Variants in CKMT2 observed in about 807,000 individuals in gnomAD.
The protein encoded by CKMT2 is creatine kinase, mitochondrial 2.
Under a neutral mutation model 48.9 loss-of-function variants are expected in CKMT2, and 43 were observed. The observed-to-expected ratio is 0.88, with a 90% CI of 0.69 to 1.13. CKMT2 has a LOEUF of 1.13. Ranked by LOEUF, CKMT2 falls within the 50% of genes most tolerant of loss-of-function variation. CKMT2 has a pLI of 0.00. For missense variants in CKMT2, 472 were observed against 555.4 expected, an observed-to-expected ratio of 0.85 and a Z score of 1.51; for synonymous variants, 206 against 213.0, an observed-to-expected ratio of 0.97 and a Z score of 0.29.
In CKMT2 at chr5:81,257,826, A is replaced by G. The variant is rs753831830; in HGVS notation, c.849A>G (p.Val283=). The G allele has an allele frequency of 2.5e-6, 4 of 1,613,818 alleles. No homozygotes were observed. The East Asian group carries it at 6.7e-5, about 27-fold the overall frequency. Residue 283 remains valine (V), a synonymous_variant, in exon 7 of 10, where the codon GTA becomes GTG. Coordinates refer to ENST00000254035, the MANE Select transcript of CKMT2 (RefSeq NM_001099735.2). ...AAAAAGGAGGCAATATGAAACGAGT[A>G]TTTGAGCGATTCTGTCGTGGACTAA... ...SMEKGGNMKR[V]FERFCRGLKE... is the part of the protein sequence containing the mutation.
intron 1 of CKMT2, among the ~76,000 whole-genome samples, chr5:81,240,969 C>A (rs1756414292): frequency 1.3e-5 from 2 of 152,130 alleles, no homozygotes; most frequent in African/African-American, 4.8e-5. Context: ...AGGTAAATGA[C>A]CTCTAAAGCC....
At chr5:81,260,758 A>C (rs1184582455) in intron 8 of CKMT2, among the ~76,000 whole-genome samples, 3 of 152,208 alleles carry the variant, frequency 2.0e-5, no homozygotes, top group Non-Finnish European at 4.4e-5. Flanking sequence ...AGGACCAGAC[A>C]GATGCACAGC....
At chr5:81,250,939 A>AC (rs1486069965) in intron 1 of CKMT2, 174 bp from the exon 2 acceptor site, 2 of 424,092 alleles carry the variant, frequency 4.7e-6, no homozygotes, top group Non-Finnish European at 8.1e-6. Context: ...AAGAAATAGA[A>AC]AACACACACA....
chr5:81,256,922 T>C lies in CKMT2; in HGVS notation c.677T>C (p.Phe226Ser). Reference sequence around the variant, plus strand: ...ATCCCTTTTGGCCTACAGGACCACTTTCTGTTTGATAAGCCAGTGTCCCCT... The same window carrying C: ...ATCCCTTTTGGCCTACAGGACCACTCTCTGTTTGATAAGCCAGTGTCCCCT... ...QDQQRLIDDH[F>S]LFDKPVSPLL... The change falls in exon 6 of 10, where the codon TTT becomes TCT. Residue 226 changes from phenylalanine (F) to serine (S), a missense_variant. By Grantham distance (155) the Phe-to-Ser change is radical (BLOSUM62 -2). Transcript: ENST00000254035. The C allele has an allele frequency of 6.2e-7, 1 of 1,613,442 alleles. No individual in the cohort carries two copies. Among genetic ancestry groups the C allele is most frequent in the Non-Finnish European group, 8.5e-7 (1 of 1,179,524 alleles).
At chr5:81,254,368 G>A (rs1272792945) in intron 3 of CKMT2, 28 bp from the exon 4 acceptor site, 6 of 1,592,072 alleles carry the variant, frequency 3.8e-6, no homozygotes, top group African/African-American at 2.7e-5. Context: ...ACCAGTTAAA[G>A]AGGAAACACC....
At chr5:81,239,978 G>C (rs1036246993) in intron 1 of CKMT2, among the ~76,000 whole-genome samples, 1 of 152,170 alleles carries the variant, frequency 6.6e-6, no homozygotes, top group Non-Finnish European at 1.5e-5. Context: ...CTGCCACATA[G>C]TAGGTAAATA....
chr5:81,242,122 C>T (rs557570874), intron 1 of CKMT2, among the ~76,000 whole-genome samples: 68 of 152,306 alleles, frequency 4.5e-4, no homozygotes, highest in Middle Eastern at 6.8e-3. Context: ...CATGGTCAAA[C>T]GGTCAGGAGC....
At position 81,266,184 on chromosome 5, in the gene CKMT2, G is replaced by A. The variant is rs756357291; in HGVS notation, c.1186G>A (p.Asp396Asn). The change falls in exon 10 of 10, where the codon GAT becomes AAT. Residue 396 changes from aspartate (D) to asparagine (N), a missense_variant. Physicochemically the swap from Asp to Asn is conservative, Grantham distance 23 (BLOSUM62 1). Transcript: ENST00000254035. ...CATCGATGGAGTCAATTACCTGGTG[G>A]ATTGTGAAAAGAAGTTGGAGAGAGG... ...IVIDGVNYLV[D>N]CEKKLERGQD... 5 of 1,612,870 alleles carry A rather than the reference G, an allele frequency of 3.1e-6. No individual in the cohort carries two copies. The highest frequency in any genetic ancestry group is 4.2e-6 in the Non-Finnish European group (5 of 1,179,050).
At chr5:81,246,463 A>T (rs1378236479) in intron 1 of CKMT2, among the ~76,000 whole-genome samples, 1 of 152,062 alleles carries the variant, frequency 6.6e-6, no homozygotes, top group East Asian at 1.9e-4. Context: ...TCTCTGAATA[A>T]TATCCTGCTT....
chr5:81,249,327 C>T (rs1756722183), intron 1 of CKMT2, among the ~76,000 whole-genome samples: 1 of 152,180 alleles, frequency 6.6e-6, no homozygotes, highest in South Asian at 2.1e-4. Context: ...AAGTGATCCG[C>T]CCACCTTTGC....
intron 1 of CKMT2, chr5:81,237,603 C>T (rs971225217): frequency 6.6e-6 from 1 of 152,140 alleles, no homozygotes; most frequent in Non-Finnish European, 1.5e-5. Flanking sequence ...AAAGATAACA[C>T]ATGCTTATTT....
At chr5:81,234,005 C>T (rs1756179250) in intron 1 of CKMT2, among the ~76,000 whole-genome samples, 1 of 142,892 alleles carries the variant, frequency 7.0e-6, no homozygotes, top group African/African-American at 2.7e-5. Context: ...CCTTACCTTT[C>T]CCACCGGAGG....
At position 81,257,751 on chromosome 5, in the gene CKMT2, A is replaced by G. The variant is rs770298858; in HGVS notation, c.774A>G (p.Thr258=). The change falls in exon 7 of 10, where the codon ACA becomes ACG. Residue 258 remains threonine (T), a synonymous_variant. Transcript: ENST00000254035. ...ARGIWHNYDK[T]FLIWINEEDH... ...TCATTAGGCATAATTATGATAAGAC[A>G]TTTCTCATCTGGATAAATGAGGAGG... 1.2e-6 allele frequency: 2 copies of G among 1,612,044 alleles called. No individual in the cohort carries two copies. The highest frequency in any genetic ancestry group is 1.1e-5 in the South Asian group (1 of 90,990).
At chr5:81,246,327 T>G (rs1756610055) in intron 1 of CKMT2, among the ~76,000 whole-genome samples, 1 of 152,032 alleles carries the variant, frequency 6.6e-6, no homozygotes, top group Admixed American at 6.5e-5. Context: ...ATTTGCTCCC[T>G]GTGCTTCAGC....
At chr5:81,259,685 G>C (rs1178120088) in intron 8 of CKMT2, among the ~76,000 whole-genome samples, 1 of 152,196 alleles carries the variant, frequency 6.6e-6, no homozygotes, top group African/African-American at 2.4e-5. Flanking sequence ...TGCCGGGGTT[G>C]TTGGTCAAGG....
At chr5:81,253,739 C>T (rs1043644731) in intron 3 of CKMT2, among the ~76,000 whole-genome samples, 19 of 152,222 alleles carry the variant, frequency 1.2e-4, no homozygotes, top group Non-Finnish European at 2.6e-4. Context: ...CCCCACTTCC[C>T]ACAGCTCCCA....
At chr5:81,234,756 G>A (rs1756201745) in intron 1 of CKMT2, among the ~76,000 whole-genome samples, 1 of 152,158 alleles carries the variant, frequency 6.6e-6, no homozygotes, top group Non-Finnish European at 1.5e-5. Flanking sequence ...TTGGGTCGGG[G>A]GGAGTACCAT....
At chr5:81,250,649 C>T (rs906851892) in intron 1 of CKMT2, 2 of 152,360 alleles carry the variant, frequency 1.3e-5, no homozygotes, top group Non-Finnish European at 2.9e-5. Context: ...ATTCCCAATG[C>T]TGGCATCCCA....
At chr5:81,255,322 T>A in intron 5 of CKMT2, 108 bp downstream of exon 5, 4 of 987,120 alleles carry the variant, frequency 4.1e-6, no homozygotes, top group Non-Finnish European at 6.1e-6. Context: ...GCTGGGAGCT[T>A]GCTGGGCTCC....
Sources: allele counts gnomAD v4.1 joint callset (sites outside exome capture counted in the v4.1 genomes callset), GRCh38; gene constraint gnomAD v4.1.1; transcripts MANE v1.5; gene names NCBI Gene and HGNC (gene_info 2026-07-23, HGNC 2026-07-21).